EPHA10: variants seen among roughly 807,000 people sequenced by gnomAD.
EPHA10 encodes ephrin type-A receptor 10.
Under a neutral mutation model 109.7 loss-of-function variants are expected in EPHA10, and 120 were observed. That is an observed-to-expected ratio of 1.09 (90% confidence interval 0.94 to 1.27). EPHA10 has a LOEUF of 1.27. EPHA10 is among the 50% of genes most tolerant of loss of function. The pLI is 0.00. For synonymous variants in EPHA10, 640 were observed against 618.9 expected (o/e 1.03, Z -0.51); for missense variants, 1,396 against 1,411.1 (o/e 0.99, Z 0.17).
intron 7 of EPHA10, 118 bp downstream of exon 7, chr1:37,731,293 G>C (rs973102673): frequency 3.6e-6 from 4 of 1,119,628 alleles, no homozygotes; most frequent in Middle Eastern, 2.3e-4. Context: ...TGTTCTGCAG[G>C]CTCCCTTCAT....
chr1:37,743,860 G>A (rs969556278), intron 5 of EPHA10, among the ~76,000 whole-genome samples: 7 of 151,932 alleles, frequency 4.6e-5, no homozygotes, highest in African/African-American at 7.3e-5. Context: ...ACATAAGCCC[G>A]TCATTAAGTT....
At position 37,718,312 on chromosome 1, in the gene EPHA10, T is replaced by C. The variant is rs1200312800; in HGVS notation, c.*60A>G. 1 of 1,425,728 alleles carries C rather than the reference T, an allele frequency of 7.0e-7. No individual in the cohort carries two copies. The highest frequency in any genetic ancestry group is 9.6e-7 in the Non-Finnish European group (1 of 1,040,022). The allele number at this position is 1,425,728 out of a possible 1,614,324, so 88.3% of individuals were successfully genotyped here. A position where few individuals can be genotyped will look rare whatever the true frequency, so the allele number is the denominator to read the frequency against. ...CTGGAGCGCAGCTTGCCACGGTCCT[T>C]GGGCAGGGCTGGGGGACTGGACCCC... On this transcript the variant is annotated 3_prime_UTR_variant, in exon 17 of 17. Coordinates refer to ENST00000373048, the MANE Select transcript of EPHA10 (RefSeq NM_001099439.2).
intron 5 of EPHA10, among the ~76,000 whole-genome samples, chr1:37,750,193 A>G (rs1428385143): frequency 6.6e-6 from 1 of 152,142 alleles, no homozygotes; most frequent in African/African-American, 2.4e-5. Context: ...CTGAATTTTT[A>G]AAAATGTGAT....
intron 5 of EPHA10, among the ~76,000 whole-genome samples, chr1:37,739,054 G>A (rs985478627): frequency 3.3e-5 from 5 of 152,030 alleles, no homozygotes; most frequent in African/African-American, 4.8e-5. Context: ...TAATGTAAAC[G>A]ACGAGTTGAT....
chr1:37,719,575 C>T lies in EPHA10; in HGVS notation c.2595G>A (p.Leu865=), dbSNP rs1557527811. The T allele has an allele frequency of 4.3e-6, 7 of 1,613,722 alleles. No homozygotes were observed. The Admixed American group carries it at 8.3e-5, about 19-fold the overall frequency. ...GGTTAGGACAGTTCCTGGGGGGTGGCAGCCGGAAGCCATCCTCCACAGCCT... is the reference window on the plus strand; with the variant it reads ...GGTTAGGACAGTTCCTGGGGGGTGGTAGCCGGAAGCCATCCTCCACAGCCT... ...VIKAVEDGFR[L]PPPRNCPNLL... is the part of the protein sequence containing the mutation. Residue 865 remains leucine, a synonymous_variant, in exon 15 of 17, where the codon CTG becomes CTA. Coordinates refer to ENST00000373048, the MANE Select transcript of EPHA10 (RefSeq NM_001099439.2).
chr1:37,736,167 C>T (rs1302260157), intron 5 of EPHA10, among the ~76,000 whole-genome samples: 2 of 152,058 alleles, frequency 1.3e-5, no homozygotes, highest in East Asian at 1.9e-4. Flanking sequence ...CCAGCACATT[C>T]GGAGGCTGAG....
chr1:37,738,329 T>C (rs1646101821), intron 5 of EPHA10, among the ~76,000 whole-genome samples: 1 of 151,936 alleles, frequency 6.6e-6, no homozygotes, highest in Non-Finnish European at 1.5e-5. Flanking sequence ...ATCGCACCAC[T>C]GCACTCCAGC....
At position 37,721,827 on chromosome 1, in the gene EPHA10, C is replaced by A. The variant is rs1431013632; in HGVS notation, c.1979G>T (p.Cys660Phe). 1.2e-6 allele frequency: 2 copies of A among 1,602,654 alleles called. No individual in the cohort carries two copies. Residue 660 changes from cysteine (C) to phenylalanine (F), a missense_variant, in exon 11 of 17, where the codon TGC becomes TTC. By Grantham distance (205) the Cys-to-Phe change is radical. Transcript: ENST00000373048. Reference protein sequence around the residue: ...SLGGGRFGELCCGCLQLPGRQ... With the variant: ...SLGGGRFGELFCGCLQLPGRQ... Reference sequence around the variant, plus strand: ...ACCGGGGAGCTGCAAGCAGCCACAGCACAGCTCCCCAAACCGCCCTGTGGG... The same window carrying A: ...ACCGGGGAGCTGCAAGCAGCCACAGAACAGCTCCCCAAACCGCCCTGTGGG...
At chr1:37,735,468 C>A (rs1053693622) in intron 5 of EPHA10, 78 bp from the exon 6 acceptor site, 1 of 1,497,024 alleles carries the variant, frequency 6.7e-7, no homozygotes, top group Admixed American at 2.1e-5. Context: ...GAGGGTGCGG[C>A]GTGCGGGGCT....
chr1:37,722,850 C>T (rs758731852), intron 10 of EPHA10, 191 bp downstream of exon 10: 17 of 805,612 alleles, frequency 2.1e-5, no homozygotes, highest in Non-Finnish European at 3.3e-5. Flanking sequence ...CATCCTCTTC[C>T]CTATAATCAG....
intron 5 of EPHA10, among the ~76,000 whole-genome samples, chr1:37,749,809 G>A (rs1015041699): frequency 7.9e-5 from 12 of 152,148 alleles, no homozygotes; most frequent in Non-Finnish European, 7.4e-5. Flanking sequence ...ACAAACATCA[G>A]AGTGTACTTA....
At position 37,753,200 on chromosome 1, in the gene EPHA10, G is replaced by A; in HGVS notation, c.1033C>T (p.Gln345Ter). Residue 345 changes from glutamine (Q) to a stop codon, truncating the protein, a stop_gained, in exon 5 of 17, where the codon CAG (glutamine) becomes TAG (stop). Transcript: ENST00000373048. LOFTEE classifies it high-confidence loss of function. ...TRPPSAPRDL[Q>*]YSLSRSPLVL... ...AGCGGCGAGCGGCTCAGGCTGTACT[G>A]CAGGTCCCGCGGCGCCGACGGCGGC... is the stretch of plus-strand genomic sequence containing the variant. 2 of 1,354,180 alleles carry A rather than the reference G, an allele frequency of 1.5e-6. No individual in the cohort carries two copies. Among genetic ancestry groups the A allele is most frequent in the Non-Finnish European group, 1.9e-6 (2 of 1,057,668 alleles). 83.9% of individuals were successfully genotyped at this position (1,354,180 alleles called of 1,614,324 possible). A position where few individuals can be genotyped will look rare whatever the true frequency, so the allele number is the denominator to read the frequency against.
At position 37,734,826 on chromosome 1, in the gene EPHA10, G is replaced by A. The variant is rs1185951460; in HGVS notation, c.1491+431C>T. ...ATACATTTATTGTTCTGGAAAGCTG[G>A]CTGTTAAATATCTACCAGCACACCA... On this transcript the variant is annotated intron_variant, in intron 6 of 16. Transcript: ENST00000373048. 21 of 336,722 alleles carry A rather than the reference G, an allele frequency of 6.2e-5. No individual in the cohort carries two copies. The Admixed American group carries it at 8.8e-4, about 14-fold the overall frequency. The allele number at this position is 336,722 out of a possible 1,614,324, so 20.9% of individuals were successfully genotyped here. A position where few individuals can be genotyped will look rare whatever the true frequency, so the allele number is the denominator to read the frequency against.
At chr1:37,739,745 T>TG (rs1646125382) in intron 5 of EPHA10, among the ~76,000 whole-genome samples, 1 of 120,462 alleles carries the variant, frequency 8.3e-6, no homozygotes, top group Admixed American at 8.5e-5. Flanking sequence ...GGGAGGGTGG[T>TG]GGGGGTAAAG....
chr1:37,751,237 AAAAAG>A lies in EPHA10; in HGVS notation c.1357+1634_1357+1638del, dbSNP rs1208793071. Among the ~76,000 whole-genome samples the A allele has an allele frequency of 5.8e-4, 55 of 94,320 alleles. 1 individual carries two copies. Among genetic ancestry groups the A allele is most frequent in the South Asian group, 1.0e-3 (3 of 2,944 alleles). The allele number at this position is 94,320 out of a possible 152,430, so 61.9% of individuals were successfully genotyped here. A position where few individuals can be genotyped will look rare whatever the true frequency, so the allele number is the denominator to read the frequency against. The stretch of plus-strand genomic sequence containing the variant: ...AAAAAAGAAAGAAAGAAAGAAAAAG[AAAAAG>A]AAAAAAAAAAAAGAAATCCATATTG... On this transcript the variant is annotated intron_variant, in intron 5 of 16. Transcript: ENST00000373048.
intron 10 of EPHA10, 70 bp downstream of exon 10, chr1:37,722,971 G>A (rs1346163914): frequency 6.2e-7 from 1 of 1,609,922 alleles, no homozygotes; most frequent in Non-Finnish European, 8.5e-7. Context: ...TGTGGACAGA[G>A]TAGGGGCGGG....
At position 37,753,246 on chromosome 1, in the gene EPHA10, G is replaced by T; in HGVS notation, c.1007-20C>A. 6 of 1,282,086 alleles carry T rather than the reference G, an allele frequency of 4.7e-6. No individual in the cohort carries two copies. Among genetic ancestry groups the T allele is most frequent in the Non-Finnish European group, 5.9e-6 (6 of 1,016,008 alleles). 79.4% of individuals were successfully genotyped at this position (1,282,086 alleles called of 1,614,324 possible). A position where few individuals can be genotyped will look rare whatever the true frequency, so the allele number is the denominator to read the frequency against. On this transcript the variant is annotated intron_variant, in intron 4 of 16. Transcript: ENST00000373048. Reference sequence around the variant, plus strand: ...GCGGCCCTGAGGCGGCACAGGGGCGGGGCGGTCAGGGCGGGGCGTGGGTGC... The same window carrying T: ...GCGGCCCTGAGGCGGCACAGGGGCGTGGCGGTCAGGGCGGGGCGTGGGTGC...
Position 37,753,146 on chromosome 1 carries a change from C to G in EPHA10, c.1087G>C (p.Ala363Pro), listed in dbSNP as rs1300296374. 5 of 1,406,866 alleles carry G rather than the reference C, an allele frequency of 3.6e-6. No individual in the cohort carries two copies. The highest frequency in any genetic ancestry group is 2.5e-4 in the Middle Eastern group (1 of 3,972). The allele number at this position is 1,406,866 out of a possible 1,614,324, so 87.1% of individuals were successfully genotyped here. ...ACGTCCGAGCGGCCTCCCGAGTCGGCCGGCGGCAGCCAGCGCAGTCGCAGC... is the reference window on the plus strand; with the variant it reads ...ACGTCCGAGCGGCCTCCCGAGTCGGGCGGCGGCAGCCAGCGCAGTCGCAGC... ...LVLRLRWLPP[A>P]DSGGRSDVTY... is the part of the protein sequence containing the mutation. Residue 363 changes from alanine (A) to proline (P), a missense_variant, in exon 5 of 17, where the codon GCC (alanine) becomes CCC (proline). By Grantham distance (27) the Ala-to-Pro change is conservative. Transcript: ENST00000373048.
chr1:37,727,042 C>T, intron 8 of EPHA10, 60 bp downstream of exon 8: 1 of 1,351,424 alleles, frequency 7.4e-7, no homozygotes, highest in Non-Finnish European at 1.0e-6. Context: ...TGTGAGCACA[C>T]ATTAATGTGC....
Sources: allele counts gnomAD v4.1 joint callset (sites outside exome capture counted in the v4.1 genomes callset), GRCh38; gene constraint gnomAD v4.1.1; transcripts MANE v1.5; gene names NCBI Gene and HGNC (gene_info 2026-07-23, HGNC 2026-07-21).